Variants in NR1H3 observed in about 807,000 individuals in gnomAD.
The protein encoded by NR1H3 is nuclear receptor subfamily 1 group H member 3, also known as oxysterols receptor LXR-alpha.
In NR1H3, 19 loss-of-function variants were observed where a neutral mutation model predicts 48.1. The observed-to-expected ratio is 0.40, with a 90% CI of 0.28 to 0.58. The LOEUF is 0.58. NR1H3 is among the 20% of genes least tolerant of loss of function. NR1H3 has a pLI of 0.50. For synonymous variants in NR1H3, 232 were observed against 227.3 expected (o/e 1.02, Z -0.19); for missense variants, 486 against 595.9 (o/e 0.82, Z 1.92).
chr11:47,255,763 G>A (rs761677233), upstream of NR1H3, among the ~76,000 whole-genome samples: 8 of 151,400 alleles, frequency 5.3e-5, no homozygotes, highest in Non-Finnish European at 1.2e-4. Flanking sequence ...TGCCTGCCAG[G>A]TTCAAGTGAT....
At chr11:47,254,834 G>C (rs960345210), upstream of NR1H3, among the ~76,000 whole-genome samples, 1 of 151,074 alleles carries the variant, frequency 6.6e-6, no homozygotes, top group Admixed American at 6.6e-5. Context: ...TTTCTCATCT[G>C]GTTCCTTCTG....
chr11:47,264,522 C>T (rs1314308042), intron 7 of NR1H3, among the ~76,000 whole-genome samples: 3 of 152,224 alleles, frequency 2.0e-5, no homozygotes, highest in Non-Finnish European at 4.4e-5. Flanking sequence ...CCCAGCCCTG[C>T]TCCCCTCTTC....
rs1955876505 is a variant in NR1H3 at position 47,261,585 on chromosome 11, C to T, written c.747C>T (p.Ala249=). Residue 249 remains alanine, a synonymous_variant, in exon 6 of 10, where the codon GCC becomes GCT. Coordinates refer to ENST00000441012, the MANE Select transcript of NR1H3 (RefSeq NM_005693.4). ...PMAPDPHSRE[A]RQQRFAHFTE... ...CACCAGATCCCCATAGCCGGGAGGCCCGTCAGCAGCGCTTTGCCCACTTCA... is the reference window on the plus strand; with the variant it reads ...CACCAGATCCCCATAGCCGGGAGGCTCGTCAGCAGCGCTTTGCCCACTTCA... 6.2e-7 allele frequency: 1 copy of T among 1,614,220 alleles called. No individual in the cohort carries two copies. Among genetic ancestry groups the T allele is most frequent in the Middle Eastern group, 1.6e-4 (1 of 6,062 alleles).
In NR1H3 at chr11:47,259,909, A is replaced by AT. The variant is rs1955647350; in HGVS notation, c.162_163insT (p.Gly55TrpfsTer171). 1 of 1,611,276 alleles carries AT rather than the reference A, an allele frequency of 6.2e-7. No individual in the cohort carries two copies. Among genetic ancestry groups the AT allele is most frequent in the East Asian group, 2.2e-5 (1 of 44,852 alleles). ...TGCCCCACTCTGCTGGGGGTACTGCAGGGGTGGGGCTGGAGGCTGCAGAGC... is the reference window on the plus strand; with the variant it reads ...TGCCCCACTCTGCTGGGGGTACTGCATGGGGTGGGGCTGGAGGCTGCAGAGC... On this transcript the variant is annotated frameshift_variant, in exon 3 of 10. Transcript: ENST00000441012. LOFTEE classifies it high-confidence loss of function.
intron 7 of NR1H3, 71 bp downstream of exon 7, chr11:47,262,089 A>G: frequency 8.1e-7 from 1 of 1,238,382 alleles, no homozygotes; most frequent in Non-Finnish European, 1.1e-6. Flanking sequence ...TTTATTTTTA[A>G]AAATTGAGGG....
At chr11:47,266,444 C>T (rs537840226) in intron 7 of NR1H3, among the ~76,000 whole-genome samples, 2 of 151,780 alleles carry the variant, frequency 1.3e-5, no homozygotes, top group South Asian at 2.1e-4. Context: ...TCAAGCAATT[C>T]GCCTGCTCAG....
At chr11:47,248,819 T>A, upstream of NR1H3, 2 of 1,561,324 alleles carry the variant, frequency 1.3e-6, no homozygotes, top group Non-Finnish European at 8.7e-7. Context: ...GCAAACAAGC[T>A]GGAACCCGCT....
upstream of NR1H3, chr11:47,248,558 C>G: frequency 6.4e-7 from 1 of 1,551,728 alleles, no homozygotes; most frequent in Non-Finnish European, 8.7e-7. Context: ...CTCCCAACTA[C>G]CCAGGCCAGT....
chr11:47,256,963 C>G (rs950270215), upstream of NR1H3, among the ~76,000 whole-genome samples: 1 of 152,060 alleles, frequency 6.6e-6, no homozygotes, highest in Admixed American at 6.6e-5. Context: ...ATCTCCTGAC[C>G]TCGTGATCCG....
At chr11:47,249,085 G>A in intron 1 of NR1H3, 5 of 1,306,214 alleles carry the variant, frequency 3.8e-6, no homozygotes. Context: ...TCTGCTCGGA[G>A]AAATCCCTTA....
intron 1 of NR1H3, 110 bp from the exon 2 acceptor site, chr11:47,259,070 T>C (rs1955529673): frequency 6.4e-7 from 1 of 1,553,034 alleles, no homozygotes; most frequent in African/African-American, 1.4e-5. Flanking sequence ...GGCAAGTAAA[T>C]GTTAGCTGAT....
intron 3 of NR1H3, 139 bp downstream of exon 3, chr11:47,260,118 G>C: frequency 1.2e-6 from 1 of 854,494 alleles, no homozygotes; most frequent in South Asian, 2.0e-5. Flanking sequence ...AAATCTGACT[G>C]ATCTAAGTGT....
chr11:47,258,050 G>T lies in NR1H3; in HGVS notation c.-117G>T. The T allele has an allele frequency of 1.0e-6, 1 of 985,560 alleles. No individual in the cohort carries two copies. The highest frequency in any genetic ancestry group is 1.2e-6 in the Non-Finnish European group (1 of 830,158). 61.1% of individuals were successfully genotyped at this position (985,560 alleles called of 1,614,324 possible). A position where few individuals can be genotyped will look rare whatever the true frequency, so the allele number is the denominator to read the frequency against. The stretch of plus-strand genomic sequence containing the variant: ...GGCTGGCCACCGAGACTTCTGGACA[G>T]GAAACTGCACCATCCTCTTCTCCCA... On this transcript the variant is annotated 5_prime_UTR_variant, in exon 1 of 10. The change creates a new upstream start codon in the 5' untranslated region. Coordinates refer to ENST00000441012, the MANE Select transcript of NR1H3 (RefSeq NM_005693.4).
intron 7 of NR1H3, among the ~76,000 whole-genome samples, chr11:47,262,356 G>GCAACAA (rs763256281): frequency 1.3e-5 from 2 of 151,486 alleles, no homozygotes; most frequent in East Asian, 2.0e-4. Flanking sequence ...TCCAGCCTGG[G>GCAACAA]CAACAACAAC....
At chr11:47,260,743 C>T in intron 4 of NR1H3, 68 bp downstream of exon 4, 5 of 1,505,346 alleles carry the variant, frequency 3.3e-6, no homozygotes, top group African/African-American at 1.4e-5. Flanking sequence ...TGACCCAAAA[C>T]AGGTGCCTGA....
intron 7 of NR1H3, among the ~76,000 whole-genome samples, chr11:47,267,513 C>G (rs1353615410): frequency 2.2e-5 from 3 of 137,794 alleles, no homozygotes; most frequent in Non-Finnish European, 4.5e-5. Flanking sequence ...GCCTTGTAGA[C>G]CTTTTTTTTT....
At chr11:47,267,372 C>T (rs1384506461) in intron 7 of NR1H3, among the ~76,000 whole-genome samples, 2 of 152,178 alleles carry the variant, frequency 1.3e-5, no homozygotes, top group African/African-American at 2.4e-5. Context: ...CCAGACACAG[C>T]GCTAAGTGCC....
chr11:47,259,093 G>T, intron 1 of NR1H3, 87 bp from the exon 2 acceptor site: 1 of 1,586,832 alleles, frequency 6.3e-7, no homozygotes, highest in South Asian at 1.1e-5. Context: ...TGTTGATATT[G>T]ATAAAAGGGA....
chr11:47,251,091 G>A (rs1399674901), intron 1 of NR1H3, among the ~76,000 whole-genome samples: 2 of 152,156 alleles, frequency 1.3e-5, no homozygotes, highest in East Asian at 3.9e-4. Context: ...CCCAGCAGGC[G>A]GAGCTTGCAG....
Sources: gnomAD v4.1 joint callset for allele counts (sites outside exome capture counted in the v4.1 genomes callset) on GRCh38, gnomAD v4.1.1 for gene constraint, MANE v1.5 for transcripts, NCBI Gene and HGNC (gene_info 2026-07-23, HGNC 2026-07-21) for gene names.